The following DENND1B variants were observed in gnomAD, a reference collection of about 807,000 sequenced individuals.
The protein encoded by DENND1B is DENN domain containing 1B, also known as DENN domain-containing protein 1B.
In DENND1B, 59 loss-of-function variants were observed where a neutral mutation model predicts 90.1. The ratio of observed to expected loss-of-function variants is 0.65; its 90% CI spans 0.53 to 0.81. The LOEUF is 0.81. DENND1B is among the 40% of genes least tolerant of loss of function. The pLI, the probability that DENND1B is intolerant of heterozygous loss-of-function variation, is 0.00. For synonymous variants in DENND1B, 337 were observed against 324.6 expected (o/e 1.04, Z -0.41); for missense variants, 862 against 912.6 (o/e 0.94, Z 0.71).
intron 15 of DENND1B, among the ~76,000 whole-genome samples, chr1:197,557,861 A>T (rs948628601): frequency 2.0e-5 from 3 of 151,904 alleles, no homozygotes; most frequent in African/African-American, 4.8e-5. Flanking sequence ...AAAAGAGATA[A>T]GAAAATTTTT....
intron 2 of DENND1B, among the ~76,000 whole-genome samples, chr1:197,748,734 A>G (rs1391960553): frequency 6.6e-6 from 1 of 152,206 alleles, no homozygotes; most frequent in South Asian, 2.1e-4. Context: ...CCCTGCTGAC[A>G]TCTTGGTTTT....
chr1:197,518,232 G>T (rs1019589230), intron 20 of DENND1B, among the ~76,000 whole-genome samples: 3 of 151,894 alleles, frequency 2.0e-5, no homozygotes, highest in African/African-American at 7.2e-5. Flanking sequence ...TCCTGTGGGG[G>T]TTATCAAGTT....
At chr1:197,559,810 A>G (rs899767800) in intron 15 of DENND1B, among the ~76,000 whole-genome samples, 1 of 151,962 alleles carries the variant, frequency 6.6e-6, no homozygotes, top group Admixed American at 6.6e-5. Context: ...GTTACAATAA[A>G]TTACATCAAC....
chr1:197,572,202 C>T (rs903207361), intron 15 of DENND1B, among the ~76,000 whole-genome samples: 1 of 152,130 alleles, frequency 6.6e-6, no homozygotes, highest in African/African-American at 2.4e-5. Flanking sequence ...AAAAACGGGA[C>T]ATTTCTGCCC....
rs57605617 is a variant in DENND1B at position 197,756,575 on chromosome 1, C to CAA, written c.82+16291_82+16292dup. On this transcript the variant is annotated intron_variant, in intron 2 of 22. Transcript: ENST00000620048. ...TGGGCAACAGAGCAAGTCTCCATCT[C>CAA]AAAAAAAAAAAAAAAAAAAAAAAAA... is the stretch of plus-strand genomic sequence containing the variant. Among the ~76,000 whole-genome samples, 148 of 53,944 alleles carry CAA rather than the reference C, an allele frequency of 2.7e-3. 10 individuals are homozygous for CAA. Among genetic ancestry groups the CAA allele is most frequent in the African/African-American group, 0.01 (132 of 12,592 alleles). The allele number at this position is 53,944 out of a possible 152,430, so 35.4% of individuals were successfully genotyped here.
intron 20 of DENND1B, among the ~76,000 whole-genome samples, chr1:197,514,463 G>C (rs1297348416): frequency 3.3e-5 from 5 of 151,444 alleles, no homozygotes; most frequent in Non-Finnish European, 7.4e-5. Flanking sequence ...TTCCATCTTT[G>C]AAATACACCA....
At chr1:197,513,011 C>T in intron 20 of DENND1B, 58 bp from the exon 21 acceptor site, 1 of 1,433,592 alleles carries the variant, frequency 7.0e-7, no homozygotes, top group Non-Finnish European at 9.5e-7. Context: ...GTCTCTTTAG[C>T]AAATTTTAAA....
At chr1:197,776,403 G>A (rs117687196), upstream of DENND1B, among the ~76,000 whole-genome samples, 104 of 152,288 alleles carry the variant, frequency 6.8e-4, no homozygotes, top group East Asian at 0.02. Flanking sequence ...GATCTACTGA[G>A]AAGACAGGTA....
At chr1:197,605,511 C>A (rs1676594570) in intron 13 of DENND1B, 1 of 150,774 alleles carries the variant, frequency 6.6e-6, no homozygotes, top group Admixed American at 6.6e-5. Context: ...TTTTAACAAT[C>A]TTTCTCCCTA....
At chr1:197,728,436 A>G (rs1353939848) in intron 2 of DENND1B, among the ~76,000 whole-genome samples, 2 of 152,138 alleles carry the variant, frequency 1.3e-5, no homozygotes, top group Non-Finnish European at 2.9e-5. Flanking sequence ...CTCAAATTCA[A>G]TTTTCCCAAT....
chr1:197,763,462 A>G (rs1034114765), intron 2 of DENND1B, among the ~76,000 whole-genome samples: 1 of 152,120 alleles, frequency 6.6e-6, no homozygotes, highest in Non-Finnish European at 1.5e-5. Flanking sequence ...AATCCAACAA[A>G]TATTTACTGA....
intron 13 of DENND1B, among the ~76,000 whole-genome samples, chr1:197,600,488 G>A (rs1676105488): frequency 6.6e-6 from 1 of 151,702 alleles, no homozygotes; most frequent in Non-Finnish European, 1.5e-5. Context: ...CTACGGCAAG[G>A]TAGACAAAGA....
intron 14 of DENND1B, among the ~76,000 whole-genome samples, chr1:197,586,528 T>C (rs563093307): frequency 1.3e-5 from 2 of 152,092 alleles, no homozygotes; most frequent in Non-Finnish European, 2.9e-5. Context: ...CAGTAACAAG[T>C]AGGGGTCAAA....
At chr1:197,614,971 T>C (rs1286986746) in intron 11 of DENND1B, among the ~76,000 whole-genome samples, 3 of 150,980 alleles carry the variant, frequency 2.0e-5, no homozygotes, top group Non-Finnish European at 3.0e-5. Context: ...TACTCTTACA[T>C]TGGCTGATTA....
intron 3 of DENND1B, among the ~76,000 whole-genome samples, chr1:197,699,564 T>C (rs989282587): frequency 2.6e-5 from 4 of 152,024 alleles, no homozygotes; most frequent in African/African-American, 9.7e-5. Context: ...GCCAGGGCAA[T>C]CAGGCAAGAC....
chr1:197,628,748 C>A (rs79993870), intron 10 of DENND1B, among the ~76,000 whole-genome samples: 25,613 of 151,436 alleles, frequency 0.17, 2,338 homozygotes, highest in Non-Finnish European at 0.2. Flanking sequence ...CAACCTACAA[C>A]ATGGGAGAAA....
chr1:197,600,313 A>G (rs1676087664), intron 13 of DENND1B, among the ~76,000 whole-genome samples: 1 of 151,812 alleles, frequency 6.6e-6, no homozygotes, highest in South Asian at 2.1e-4. Flanking sequence ...ACTGGTGCAT[A>G]TTTAACAAAA....
intron 15 of DENND1B, among the ~76,000 whole-genome samples, chr1:197,579,050 C>A (rs543422285): frequency 6.6e-6 from 1 of 152,266 alleles, no homozygotes; most frequent in Non-Finnish European, 1.5e-5. Flanking sequence ...GAATAGCTTT[C>A]CAAGTGATTC....
chr1:197,518,952 A>G (rs188570926), intron 20 of DENND1B, among the ~76,000 whole-genome samples: 1 of 152,046 alleles, frequency 6.6e-6, no homozygotes, highest in African/African-American at 2.4e-5. Flanking sequence ...TTCTGATACT[A>G]TACAGGTCTG....
Sources: gnomAD v4.1 joint callset for allele counts (sites outside exome capture counted in the v4.1 genomes callset) on GRCh38, gnomAD v4.1.1 for gene constraint, MANE v1.5 for transcripts, NCBI Gene and HGNC (gene_info 2026-07-23, HGNC 2026-07-21) for gene names.